The following AFDN variants were observed in gnomAD, a reference collection of about 807,000 sequenced individuals.
AFDN encodes afadin.
In AFDN, 68 loss-of-function variants were observed where a neutral mutation model predicts 216.6. The observed-to-expected ratio is 0.31, with a 90% CI of 0.26 to 0.38. AFDN has a LOEUF of 0.38. Among genes scored for constraint, AFDN ranks in the 10% least tolerant of loss-of-function variants. The probability of loss-of-function intolerance (pLI) is 1.00; values close to 1 mark genes in which losing one functional copy is unlikely to be tolerated. For synonymous variants in AFDN, 868 were observed against 853.7 expected, an observed-to-expected ratio of 1.02 and a Z score of -0.29; for missense variants, 2,136 against 2,342.0, an observed-to-expected ratio of 0.91 and a Z score of 1.82.
rs1197524591 is a variant in AFDN, at chr6:167,904,211, T to C, written c.1650+1825T>C. On this transcript the variant is annotated intron_variant, in intron 12 of 33. Transcript: ENST00000683244. ...TCTCCAGACGCATATCTCTCTCTCTTTTTTTTTTTTCTTCCTGAGACAGAG... is the reference window on the plus strand; with the variant it reads ...TCTCCAGACGCATATCTCTCTCTCTCTTTTTTTTTTCTTCCTGAGACAGAG... Among the ~76,000 whole-genome samples, 21 of 142,202 alleles carry C rather than the reference T, an allele frequency of 1.5e-4. No individual in the cohort carries two copies. The East Asian group carries it at 3.7e-3, about 25-fold the overall frequency. 93.3% of individuals were successfully genotyped at this position (142,202 alleles called of 152,430 possible).
intron 23 of AFDN, among the ~76,000 whole-genome samples, chr6:167,939,305 G>A (rs776608840): frequency 6.6e-6 from 1 of 152,158 alleles, no homozygotes; most frequent in Admixed American, 6.5e-5. Flanking sequence ...ATGTCGTGAG[G>A]TGCCCATTCT....
chr6:167,936,091 A>G (rs1316239600), intron 23 of AFDN, among the ~76,000 whole-genome samples: 1 of 152,342 alleles, frequency 6.6e-6, no homozygotes. Flanking sequence ...CATGCAGTCA[A>G]TATAAAAATC....
intron 23 of AFDN, 98 bp downstream of exon 23, chr6:167,925,189 T>G (rs1792352975): frequency 1.2e-6 from 1 of 819,610 alleles, no homozygotes; most frequent in Non-Finnish European, 2.1e-6. Flanking sequence ...TTACCACCTG[T>G]GTATAACGTG....
intron 20 of AFDN, 126 bp from the exon 21 acceptor site, chr6:167,918,609 T>C (rs987311361): frequency 8.3e-5 from 42 of 508,992 alleles, no homozygotes; most frequent in Non-Finnish European, 1.2e-4. Context: ...TGCGTCTGTC[T>C]GTGTGTGTGT....
chr6:167,827,587 G>C (rs968249576), intron 1 of AFDN: 3 of 145,794 alleles, frequency 2.1e-5, no homozygotes, highest in African/African-American at 7.5e-5. Flanking sequence ...GGCGGCGCGG[G>C]GGGCGCGGCG....
intron 1 of AFDN, among the ~76,000 whole-genome samples, chr6:167,839,439 G>A (rs988767958): frequency 1.1e-4 from 17 of 151,986 alleles, no homozygotes; most frequent in African/African-American, 4.1e-4. Context: ...GGATTTATAT[G>A]AGGATAATGT....
intron 15 of AFDN, among the ~76,000 whole-genome samples, chr6:167,912,362 A>G (rs1319772076): frequency 6.6e-6 from 1 of 152,238 alleles, no homozygotes; most frequent in African/African-American, 2.4e-5. Context: ...TAATGTTAAT[A>G]ACATAGATAG....
chr6:167,918,597 C>T (rs904595875), intron 20 of AFDN, 138 bp from the exon 21 acceptor site: 25 of 801,294 alleles, frequency 3.1e-5, no homozygotes, highest in Non-Finnish European at 5.2e-5. Flanking sequence ...CCTCCGTAAC[C>T]CTGCGTCTGT....
chr6:167,952,371 G>C (rs1358868909), intron 30 of AFDN, 184 bp downstream of exon 30: 1 of 1,470,260 alleles, frequency 6.8e-7, no homozygotes, highest in Non-Finnish European at 9.0e-7. Context: ...GGCCTATAAG[G>C]CTAAATTTTT....
At chr6:167,846,707 C>G (rs1162363874) in intron 1 of AFDN, among the ~76,000 whole-genome samples, 1 of 138,758 alleles carries the variant, frequency 7.2e-6, no homozygotes, top group Non-Finnish European at 1.6e-5. Flanking sequence ...AAAAAAAAAC[C>G]AAGTTGTTTT....
intron 4 of AFDN, among the ~76,000 whole-genome samples, chr6:167,874,789 A>G (rs1039062989): frequency 6.6e-6 from 1 of 151,868 alleles, no homozygotes; most frequent in Non-Finnish European, 1.5e-5. Flanking sequence ...CTAATTTTGT[A>G]TTTTTAGTAG....
rs894424618 is a variant in AFDN, at chr6:167,864,759, A to G, written c.301+13A>G. ...CATGTCAGCGGAGGTCAGTGTATAC[A>G]GGAAGGGTTTGCTAGAGGCATGACC... On this transcript the variant is annotated intron_variant, in intron 2 of 33. Transcript: ENST00000683244. 7 of 1,613,488 alleles carry G rather than the reference A, an allele frequency of 4.3e-6. No homozygotes were observed. The highest frequency in any genetic ancestry group is 1.7e-5 in the Admixed American group (1 of 59,990).
intron 26 of AFDN, 94 bp downstream of exon 26, chr6:167,944,153 G>A (rs1225335200): frequency 3.3e-5 from 31 of 944,130 alleles, no homozygotes; most frequent in Admixed American, 3.2e-4. Context: ...TGTTACTATC[G>A]CCCCAGTTTT....
intron 10 of AFDN, 59 bp from the exon 11 acceptor site, chr6:167,898,146 T>G: frequency 1.9e-6 from 3 of 1,578,470 alleles, no homozygotes; most frequent in Non-Finnish European, 2.6e-6. Context: ...TTTAACATTC[T>G]GTGTTTAAAT....
chr6:167,914,843 A>T (rs1790841213), intron 18 of AFDN, 105 bp downstream of exon 18: 13 of 778,256 alleles, frequency 1.7e-5, no homozygotes, highest in Non-Finnish European at 2.5e-5. Context: ...AATAAATGGG[A>T]TGTCCTTTTG....
At chr6:167,858,424 A>G (rs1327237550) in intron 1 of AFDN, among the ~76,000 whole-genome samples, 6 of 152,216 alleles carry the variant, frequency 3.9e-5, no homozygotes, top group Non-Finnish European at 8.8e-5. Context: ...AGTTCATAAA[A>G]AGGGAGATCT....
At chr6:167,947,341 G>T (rs566404281) in intron 27 of AFDN, among the ~76,000 whole-genome samples, 4 of 151,916 alleles carry the variant, frequency 2.6e-5, no homozygotes, top group Admixed American at 6.6e-5. Flanking sequence ...CACCACGCCC[G>T]GCTAATTTTT....
At chr6:167,932,512 G>A (rs1046029825) in intron 23 of AFDN, 1 of 152,140 alleles carries the variant, frequency 6.6e-6, no homozygotes, top group South Asian at 2.1e-4. Flanking sequence ...AGTACAAAGC[G>A]AATAGCAGTC....
At position 167,923,305 on chromosome 6, in the gene AFDN, T is replaced by C. The variant is rs536254664; in HGVS notation, c.3012+346T>C. The stretch of plus-strand genomic sequence containing the variant: ...TTGGCAGAAATATTTCATTCTTTTA[T>C]AGTCAGTTCTGCCTTGTCTTAAATA... On this transcript the variant is annotated intron_variant, in intron 22 of 33. Transcript: ENST00000683244. 1.5e-3 allele frequency: 239 copies of C among 163,328 alleles called. 1 individual carries two copies. Among genetic ancestry groups the C allele is most frequent in the Middle Eastern group, 2.9e-3 (1 of 340 alleles). 10.1% of individuals were successfully genotyped at this position (163,328 alleles called of 1,614,324 possible).
Sources: gnomAD v4.1 joint callset for allele counts (sites outside exome capture counted in the v4.1 genomes callset) on GRCh38, gnomAD v4.1.1 for gene constraint, MANE v1.5 for transcripts, NCBI Gene and HGNC (gene_info 2026-07-23, HGNC 2026-07-21) for gene names.